Variants in ARFGEF3 observed in about 807,000 individuals in gnomAD.
The protein encoded by ARFGEF3 is brefeldin A-inhibited guanine nucleotide-exchange protein 3.
A neutral mutation model predicts 221.7 loss-of-function variants in ARFGEF3; 96 were observed. The observed-to-expected ratio is 0.43, with a 90% CI of 0.37 to 0.51. The LOEUF (loss-of-function observed/expected upper bound fraction) is 0.51. ARFGEF3 is among the 20% of genes least tolerant of loss of function. ARFGEF3 has a pLI of 0.00. For synonymous variants in ARFGEF3, 1,145 were observed against 1,126.8 expected, an observed-to-expected ratio of 1.02 and a Z score of -0.32; for missense variants, 2,410 against 2,789.9, an observed-to-expected ratio of 0.86 and a Z score of 3.07.
chr6:138,336,079 C>T (rs903512715), intron 33 of ARFGEF3, among the ~76,000 whole-genome samples: 13 of 152,014 alleles, frequency 8.6e-5, no homozygotes, highest in African/African-American at 3.1e-4. Context: ...GAAAATAAGG[C>T]GAGTCTCTGC....
At chr6:138,234,359 A>C (rs1778246606) in intron 5 of ARFGEF3, among the ~76,000 whole-genome samples, 1 of 152,330 alleles carries the variant, frequency 6.6e-6, no homozygotes, top group Middle Eastern at 3.4e-3. Flanking sequence ...TGGCACTTTT[A>C]GAATTTATTT....
At position 138,263,089 on chromosome 6, in the gene ARFGEF3, C is replaced by G; in HGVS notation, c.1606C>G (p.Leu536Val). The G allele has an allele frequency of 6.2e-7, 1 of 1,613,886 alleles. No homozygotes were observed. The change falls in exon 12 of 34, where the codon CTC becomes GTC. Residue 536 changes from leucine to valine, a missense_variant. By Grantham distance (32) the Leu-to-Val change is conservative. Around this residue, in one of 5 missense-constraint regions of ARFGEF3, gnomAD observed 594 missense variants for 734.3 expected, o/e 0.81. Coordinates refer to ENST00000251691, the MANE Select transcript of ARFGEF3 (RefSeq NM_020340.5). Reference sequence around the variant, plus strand: ...CCATTCGGGAAACCACAAGAACAGTCTCAAGTCGCCAGCCATCCCAGAGGG... The same window carrying G: ...CCATTCGGGAAACCACAAGAACAGTGTCAAGTCGCCAGCCATCCCAGAGGG... ...EDHSGNHKNS[L>V]KSPAIPEGKE...
chr6:138,342,052 C>T lies in ARFGEF3; in HGVS notation c.*5566C>T, dbSNP rs1431606998. On this transcript the variant is annotated 3_prime_UTR_variant, in exon 34 of 34. Transcript: ENST00000251691. ...ATTATGGTCCTTCCACCCTTTTCAACCACCAACAACTGTTCGTACTGTTAA... is the reference window on the plus strand; with the variant it reads ...ATTATGGTCCTTCCACCCTTTTCAATCACCAACAACTGTTCGTACTGTTAA... 6.6e-6 allele frequency: 1 copy of T among 152,192 alleles called. No individual in the cohort carries two copies. Among genetic ancestry groups the T allele is most frequent in the Non-Finnish European group, 1.5e-5 (1 of 68,044 alleles). The allele number at this position is 152,192 out of a possible 1,614,324, so 9.4% of individuals were successfully genotyped here.
chr6:138,186,839 C>T (rs1193564196), intron 2 of ARFGEF3, among the ~76,000 whole-genome samples: 1 of 151,164 alleles, frequency 6.6e-6, no homozygotes, highest in Non-Finnish European at 1.5e-5. Context: ...GCTCTTCTCA[C>T]TGCACTGTCC....
rs113868940 is a variant in ARFGEF3, at chr6:138,335,218, G to A, written c.6342+30G>A. On this transcript the variant is annotated intron_variant, in intron 33 of 33. Transcript: ENST00000251691. The stretch of plus-strand genomic sequence containing the variant: ...ATCCCTGTGGCCACAGCAGGTGGGC[G>A]GGAGGCTGGGTTTCCAGTACTGGAT... 342 of 1,497,794 alleles carry A rather than the reference G, an allele frequency of 2.3e-4. No homozygotes were observed. The African/African-American group carries it at 4.1e-3, about 18-fold the overall frequency. 92.8% of individuals were successfully genotyped at this position (1,497,794 alleles called of 1,614,324 possible). A position where few individuals can be genotyped will look rare whatever the true frequency, so the allele number is the denominator to read the frequency against.
chr6:138,258,817 T>C (rs942909058), intron 10 of ARFGEF3, among the ~76,000 whole-genome samples: 5 of 152,196 alleles, frequency 3.3e-5, no homozygotes, highest in African/African-American at 1.2e-4. Context: ...GCAACCTTTC[T>C]TTTCCCCTCA....
chr6:138,237,925 G>C (rs528151261), intron 5 of ARFGEF3, among the ~76,000 whole-genome samples: 1 of 152,318 alleles, frequency 6.6e-6, no homozygotes, highest in Admixed American at 6.5e-5. Context: ...TACCCACCAG[G>C]TATTTATAGT....
chr6:138,179,438 C>T (rs1777018834), intron 2 of ARFGEF3, among the ~76,000 whole-genome samples: 1 of 152,082 alleles, frequency 6.6e-6, no homozygotes. Context: ...GCCAGTTGTA[C>T]TTTCCAAAAA....
intron 4 of ARFGEF3, among the ~76,000 whole-genome samples, chr6:138,225,506 C>G (rs1210452550): frequency 2.6e-5 from 4 of 152,212 alleles, no homozygotes; most frequent in African/African-American, 9.6e-5. Flanking sequence ...ATTGCAAAAG[C>G]ACTTATCACA....
intron 2 of ARFGEF3, among the ~76,000 whole-genome samples, chr6:138,196,157 C>T (rs1451790549): frequency 6.6e-6 from 1 of 152,170 alleles, no homozygotes; most frequent in Non-Finnish European, 1.5e-5. Context: ...TGCCCTGCCT[C>T]TTGTCCAGGA....
rs1337986071 is a variant in ARFGEF3 at position 138,338,104 on chromosome 6, A to T, written c.*1618A>T. 1 of 152,092 alleles carries T rather than the reference A, an allele frequency of 6.6e-6. No homozygotes were observed. Among genetic ancestry groups the T allele is most frequent in the African/African-American group, 2.4e-5 (1 of 41,418 alleles). 9.4% of individuals were successfully genotyped at this position (152,092 alleles called of 1,614,324 possible). A position where few individuals can be genotyped will look rare whatever the true frequency, so the allele number is the denominator to read the frequency against. On this transcript the variant is annotated 3_prime_UTR_variant, in exon 34 of 34. Coordinates refer to ENST00000251691, the MANE Select transcript of ARFGEF3 (RefSeq NM_020340.5). ...CCATCTAGAGATCACCACAGAATCC[A>T]TTTTTTTCCCAGTTCCACAAAACAC...
rs1459154957 is a variant in ARFGEF3 at position 138,255,692 on chromosome 6, C to G, written c.1027C>G (p.Leu343Val). The G allele has an allele frequency of 6.2e-7, 1 of 1,612,800 alleles. No homozygotes were observed. The highest frequency in any genetic ancestry group is 8.5e-7 in the Non-Finnish European group (1 of 1,179,414). ...VGSVDSMKPV[L>V]QSLYHRVLLY... Reference sequence around the variant, plus strand: ...GTCTGTGGACTCCATGAAGCCCGTGCTCCAGTCCCTCTACCACCGAGTGCT... The same window carrying G: ...GTCTGTGGACTCCATGAAGCCCGTGGTCCAGTCCCTCTACCACCGAGTGCT... The change falls in exon 10 of 34, where the codon CTC becomes GTC. Residue 343 changes from leucine (L) to valine (V), a missense_variant. Transcript: ENST00000251691.
intron 2 of ARFGEF3, among the ~76,000 whole-genome samples, chr6:138,203,160 G>A (rs76233577): frequency 1.4e-4 from 16 of 111,962 alleles, no homozygotes; most frequent in African/African-American, 3.6e-4. Context: ...TTGTGTGTAT[G>A]TGTGTGTGTG....
chr6:138,306,635 A>G (rs1025893002), intron 22 of ARFGEF3, among the ~76,000 whole-genome samples: 6 of 152,190 alleles, frequency 3.9e-5, no homozygotes, highest in Non-Finnish European at 8.8e-5. Flanking sequence ...TATAGAAATA[A>G]ATTATCCTGT....
intron 32 of ARFGEF3, among the ~76,000 whole-genome samples, chr6:138,332,291 C>T (rs1780241283): frequency 9.1e-6 from 1 of 109,782 alleles, no homozygotes; most frequent in Non-Finnish European, 1.7e-5. Flanking sequence ...AGCCTGCTTT[C>T]TTTCTTCCAC....
intron 31 of ARFGEF3, among the ~76,000 whole-genome samples, chr6:138,326,179 C>T (rs1162256279): frequency 6.6e-6 from 1 of 151,816 alleles, no homozygotes; most frequent in African/African-American, 2.4e-5. Context: ...CTTAATACTT[C>T]TCTATTTCTT....
At chr6:138,173,331 T>C (rs1475861985) in intron 2 of ARFGEF3, among the ~76,000 whole-genome samples, 1 of 152,172 alleles carries the variant, frequency 6.6e-6, no homozygotes, top group Non-Finnish European at 1.5e-5. Context: ...AAAAACAGAA[T>C]CTTAACATTT....
intron 21 of ARFGEF3, among the ~76,000 whole-genome samples, chr6:138,298,324 C>T (rs966041442): frequency 6.6e-6 from 1 of 152,174 alleles, no homozygotes; most frequent in Non-Finnish European, 1.5e-5. Context: ...ATGTTCTGTA[C>T]CATTCAAGAA....
intron 12 of ARFGEF3, among the ~76,000 whole-genome samples, chr6:138,278,143 A>C (rs929127710): frequency 6.6e-6 from 1 of 152,162 alleles, no homozygotes; most frequent in East Asian, 1.9e-4. Flanking sequence ...GATAGAATGC[A>C]GTCAATTCTT....
Sources: allele counts gnomAD v4.1 joint callset (sites outside exome capture counted in the v4.1 genomes callset), GRCh38; gene constraint gnomAD v4.1.1; regional missense constraint gnomAD v4.1.1; transcripts MANE v1.5; gene names NCBI Gene and HGNC (gene_info 2026-07-23, HGNC 2026-07-21).